The following ARHGEF7 variants were observed in gnomAD, a reference collection of about 807,000 sequenced individuals.
ARHGEF7 encodes the protein PAK-interacting exchange factor beta.
In ARHGEF7, 33 loss-of-function variants were observed where a neutral mutation model predicts 109.8. The ratio of observed to expected loss-of-function variants is 0.30; its 90% CI spans 0.23 to 0.40. The LOEUF (loss-of-function observed/expected upper bound fraction) is 0.40, where lower values mean the gene tolerates loss of function less well. Ranked by LOEUF, ARHGEF7 falls within the 10% of genes least tolerant of loss-of-function variation. ARHGEF7 has a pLI of 1.00. For missense variants in ARHGEF7, 938 were observed against 1,098.5 expected (o/e 0.85, Z 2.07); for synonymous variants, 458 against 424.6 (o/e 1.08, Z -0.97).
At chr13:111,246,544 C>T (rs548988700) in intron 8 of ARHGEF7, among the ~76,000 whole-genome samples, 1 of 152,278 alleles carries the variant, frequency 6.6e-6, no homozygotes, top group South Asian at 2.1e-4. Flanking sequence ...GCCAGAGTAA[C>T]AGAATATTAT....
At chr13:111,280,942 C>T (rs1024979471) in intron 15 of ARHGEF7, 6 of 312,312 alleles carry the variant, frequency 1.9e-5, no homozygotes, top group South Asian at 1.5e-4. Flanking sequence ...GCTTCTGCTC[C>T]GTGTGGCCCT....
At chr13:111,294,728 G>A (rs912148162) in intron 19 of ARHGEF7, 6 of 985,364 alleles carry the variant, frequency 6.1e-6, no homozygotes, top group Admixed American at 6.1e-5. Flanking sequence ...CTTCAGTCAT[G>A]CTGATAATAG....
chr13:111,298,399 C>T (rs2093473038), intron 19 of ARHGEF7, among the ~76,000 whole-genome samples: 3 of 152,112 alleles, frequency 2.0e-5, no homozygotes, highest in South Asian at 4.1e-4. Context: ...AGTATCTTCC[C>T]GTGTGGCCCA....
intron 8 of ARHGEF7, among the ~76,000 whole-genome samples, chr13:111,262,996 T>C (rs886572259): frequency 6.6e-6 from 1 of 152,212 alleles, no homozygotes; most frequent in South Asian, 2.1e-4. Context: ...CTGCATGTTA[T>C]CACACTCTGA....
intron 6 of ARHGEF7, chr13:111,241,326 G>T: frequency 2.0e-6 from 3 of 1,536,194 alleles, no homozygotes; most frequent in Non-Finnish European, 2.6e-6. Context: ...ACGAGGAGGG[G>T]AAGAAAGGTG....
chr13:111,185,750 G>A (rs2079178335), intron 2 of ARHGEF7, among the ~76,000 whole-genome samples: 1 of 152,170 alleles, frequency 6.6e-6, no homozygotes, highest in South Asian at 2.1e-4. Flanking sequence ...GGCTGTATGG[G>A]CTGCTGTGTG....
At chr13:111,222,921 AC>A (rs1566881898) in intron 5 of ARHGEF7, among the ~76,000 whole-genome samples, 1 of 152,290 alleles carries the variant, frequency 6.6e-6, no homozygotes, top group Admixed American at 6.5e-5. Context: ...ACAGGTGAGA[AC>A]AATACAGTAA....
chr13:111,210,525 T>C (rs2082366786), intron 4 of ARHGEF7, among the ~76,000 whole-genome samples: 1 of 152,172 alleles, frequency 6.6e-6, no homozygotes. Context: ...ACTTAGATGA[T>C]CGAACAGTTG....
Position 111,303,090 on chromosome 13 carries a change from G to T in ARHGEF7, c.2566G>T (p.Ala856Ser), listed in dbSNP as rs368094621. Reference sequence around the variant, plus strand: ...AGTCCTGAAGAACATGAATGATCCTGCCTGGGATGAGACCAATCTATAAGG... The same window carrying T: ...AGTCCTGAAGAACATGAATGATCCTTCCTGGGATGAGACCAATCTATAAGG... Reference protein sequence around the residue: ...RKVLKNMNDPAWDETNL With the variant: ...RKVLKNMNDPSWDETNL The change falls in exon 22 of 22, where the codon GCC becomes TCC. Residue 856 changes from alanine to serine, a missense_variant. This residue lies in a region of ARHGEF7 where 166 missense variants were observed against 167.3 expected (regional missense o/e 0.99). Transcript: ENST00000646102. 9.7e-5 allele frequency: 156 copies of T among 1,613,820 alleles called. No individual in the cohort carries two copies. The highest frequency in any genetic ancestry group is 1.3e-4 in the Non-Finnish European group (153 of 1,179,892).
chr13:111,154,041 G>C lies in ARHGEF7; in HGVS notation c.252+50G>C, dbSNP rs759141441. Reference sequence around the variant, plus strand: ...AGGGAGGGGCCGGGAAGACGGGGTTGGGCCCGGGGTGGGTGCTTCGCTCCA... The same window carrying C: ...AGGGAGGGGCCGGGAAGACGGGGTTCGGCCCGGGGTGGGTGCTTCGCTCCA... On this transcript the variant is annotated intron_variant, in intron 2 of 21. Coordinates refer to ENST00000646102, the MANE Select transcript of ARHGEF7 (RefSeq NM_001354046.2). The C allele has an allele frequency of 3.2e-6, 5 of 1,541,806 alleles. No individual in the cohort carries two copies. In the East Asian group the frequency reaches 1.3e-4, roughly 39 times the overall value.
intron 5 of ARHGEF7, among the ~76,000 whole-genome samples, chr13:111,221,574 C>CATATATAT: frequency 1.0e-5 from 1 of 95,838 alleles, no homozygotes; most frequent in Non-Finnish European, 2.1e-5. Flanking sequence ...TATATAGATA[C>CATATATAT]ATATCTATAT....
intron 8 of ARHGEF7, 28 bp downstream of exon 8, chr13:111,244,322 A>C (rs754491140): frequency 7.2e-7 from 1 of 1,393,014 alleles, no homozygotes; most frequent in East Asian, 2.3e-5. Flanking sequence ...AATTTGCAAC[A>C]CTCAGGTTGG....
At chr13:111,203,202 A>G (rs1480145848) in intron 2 of ARHGEF7, 2 of 819,070 alleles carry the variant, frequency 2.4e-6, no homozygotes, top group Non-Finnish European at 3.4e-6. Context: ...CAGAGCACTA[A>G]GATTAGATCT....
At chr13:111,208,888 C>T (rs867326286) in intron 3 of ARHGEF7, among the ~76,000 whole-genome samples, 7 of 152,306 alleles carry the variant, frequency 4.6e-5, no homozygotes, top group African/African-American at 1.7e-4. Context: ...CCTCTCAGGA[C>T]AGCCCCTGCC....
chr13:111,218,959 A>T (rs2083472450), intron 5 of ARHGEF7, among the ~76,000 whole-genome samples: 1 of 152,072 alleles, frequency 6.6e-6, no homozygotes. Context: ...TTATTTGTAA[A>T]CTTCTCTGGT....
intron 2 of ARHGEF7, 34 bp from the exon 3 acceptor site, chr13:111,205,255 C>G (rs760411679): frequency 2.6e-6 from 4 of 1,545,982 alleles, no homozygotes; most frequent in Admixed American, 3.8e-5. Context: ...ACATAAGACT[C>G]TACTAATTTT....
At chr13:111,153,332 G>A (rs990989363) in intron 1 of ARHGEF7, among the ~76,000 whole-genome samples, 4 of 152,210 alleles carry the variant, frequency 2.6e-5, no homozygotes, top group Non-Finnish European at 5.9e-5. Context: ...CTGCGCTAGG[G>A]GCCGAGCGGG....
At position 111,154,007 on chromosome 13, in the gene ARHGEF7, C is replaced by T. The variant is rs778867739; in HGVS notation, c.252+16C>T. ...GCGGCTGGAGGTGAGCGCGGGCGGC[C>T]ACGGGCCGAGGGAGGGGCCGGGAAG... On this transcript the variant is annotated intron_variant, in intron 2 of 21. Transcript: ENST00000646102. 2 of 1,593,306 alleles carry T rather than the reference C, an allele frequency of 1.3e-6. No homozygotes were observed. The highest frequency in any genetic ancestry group is 1.4e-5 in the African/African-American group (1 of 72,724).
intron 2 of ARHGEF7, among the ~76,000 whole-genome samples, chr13:111,157,240 AACTTGG>A (rs2076405858): frequency 6.6e-6 from 1 of 152,204 alleles, no homozygotes; most frequent in African/African-American, 2.4e-5. Context: ...AAAGCAGTGC[AACTTGG>A]ATGACTTCAT....
Sources: allele counts gnomAD v4.1 joint callset (sites outside exome capture counted in the v4.1 genomes callset), GRCh38; gene constraint gnomAD v4.1.1; regional missense constraint gnomAD v4.1.1; transcripts MANE v1.5; gene names NCBI Gene and HGNC (gene_info 2026-07-23, HGNC 2026-07-21).